The following IRGM variants were observed in gnomAD, a reference collection of about 807,000 sequenced individuals.
IRGM encodes the protein immunity related GTPase M, also known as immunity-related GTPase family M protein.
For synonymous variants in IRGM, 98 were observed against 80.6 expected, an observed-to-expected ratio of 1.22 and a Z score of -1.16; for missense variants, 288 against 219.9, an observed-to-expected ratio of 1.31 and a Z score of -1.96.
intron 3 of IRGM, among the ~76,000 whole-genome samples, chr5:150,890,924 A>T (rs1461544783): frequency 6.6e-6 from 1 of 152,016 alleles, no homozygotes; most frequent in Non-Finnish European, 1.5e-5. Context: ...TTGGGGTGGG[A>T]TGTTCTACAA....
intron 1 of IRGM, among the ~76,000 whole-genome samples, chr5:150,871,610 C>G (rs948491534): frequency 2.0e-5 from 3 of 152,144 alleles, no homozygotes; most frequent in Admixed American, 6.5e-5. Context: ...GGGGATAAAC[C>G]TGTTTTTCCT....
At position 150,890,904 on chromosome 5, in the gene IRGM, T is replaced by C. The variant is rs564031585; in HGVS notation, c.*141-9685T>C. On this transcript the variant is annotated intron_variant and NMD_transcript_variant, in intron 3 of 3. Transcript: ENST00000520549. ...CTTCACATGGACTTAAAAATGTGTATTGTACCATTTTGGGGTGGGATGTTC... is the reference window on the plus strand; with the variant it reads ...CTTCACATGGACTTAAAAATGTGTACTGTACCATTTTGGGGTGGGATGTTC... Among the ~76,000 whole-genome samples the C allele has an allele frequency of 6.1e-4, 93 of 152,208 alleles. 1 individual carries two copies. Among genetic ancestry groups the C allele is most frequent in the African/African-American group, 2.1e-3 (89 of 41,564 alleles).
chr5:150,898,088 T>A, intron 3 of IRGM: 1 of 1,613,258 alleles, frequency 6.2e-7, no homozygotes, highest in Non-Finnish European at 8.5e-7. Flanking sequence ...CTGATATTCA[T>A]CTGGATAGAT....
Position 150,848,294 on chromosome 5 carries a change from A to G in IRGM, c.171A>G (p.Gly57=), listed in dbSNP as rs192189057. Residue 57 remains glycine (G), a synonymous_variant, in exon 2 of 2, where the codon GGA becomes GGG. Coordinates refer to ENST00000522154, the MANE Select transcript of IRGM (RefSeq NM_001145805.2). ...TCATCAGTGCCCTTCGAAACACAGG[A>G]CATGAGGGTAAGGCCTCACCTCCTA... ...STFISALRNT[G]HEGKASPPTE... is the part of the protein sequence containing the mutation. 753 of 1,551,820 alleles carry G rather than the reference A, an allele frequency of 4.9e-4. 2 individuals carry two copies. The highest frequency in any genetic ancestry group is 6.3e-4 in the Non-Finnish European group (724 of 1,146,990).
chr5:150,859,861 A>G (rs1476512924), intron 1 of IRGM, among the ~76,000 whole-genome samples: 1 of 151,458 alleles, frequency 6.6e-6, no homozygotes, highest in African/African-American at 2.4e-5. Context: ...AATTTTGTTG[A>G]TCTTTTCAAA....
At chr5:150,889,956 G>A (rs1339714369) in intron 3 of IRGM, among the ~76,000 whole-genome samples, 16 of 151,962 alleles carry the variant, frequency 1.1e-4, no homozygotes. Context: ...ATAGTTATGA[G>A]GGATATTGGT....
chr5:150,901,002 G>A (rs895420982), downstream of IRGM, among the ~76,000 whole-genome samples: 4 of 152,032 alleles, frequency 2.6e-5, no homozygotes, highest in Non-Finnish European at 5.9e-5. Context: ...TACAGCTCAG[G>A]TCCCTGGGGA....
intron 3 of IRGM, among the ~76,000 whole-genome samples, chr5:150,886,226 A>C (rs1754519979): frequency 6.6e-6 from 1 of 152,088 alleles, no homozygotes; most frequent in Non-Finnish European, 1.5e-5. Flanking sequence ...CTTATGTTGA[A>C]GCAAACTCAC....
Position 150,848,290 on chromosome 5 carries a change from C to T in IRGM, c.167C>T (p.Thr56Ile), listed in dbSNP as rs1050494429. The T allele has an allele frequency of 1.3e-6, 2 of 1,551,724 alleles. No homozygotes were observed. Among genetic ancestry groups the T allele is most frequent in the Non-Finnish European group, 1.7e-6 (2 of 1,146,998 alleles). ...MSTFISALRN[T>I]GHEGKASPPT... ...ACCTTCATCAGTGCCCTTCGAAACACAGGACATGAGGGTAAGGCCTCACCT... is the reference window on the plus strand; with the variant it reads ...ACCTTCATCAGTGCCCTTCGAAACATAGGACATGAGGGTAAGGCCTCACCT... Residue 56 changes from threonine to isoleucine, a missense_variant, in exon 2 of 2, where the codon ACA becomes ATA. Thr to Ile is a moderately conservative substitution (Grantham distance 89). Coordinates refer to ENST00000522154, the MANE Select transcript of IRGM (RefSeq NM_001145805.2).
downstream of IRGM, among the ~76,000 whole-genome samples, chr5:150,848,854 G>A (rs938207046): frequency 5.9e-5 from 9 of 152,080 alleles, no homozygotes; most frequent in African/African-American, 1.2e-4. Flanking sequence ...CCCAGGCAAG[G>A]CTGCTTGCTT....
chr5:150,882,309 G>A (rs532293402), intron 3 of IRGM, among the ~76,000 whole-genome samples: 1 of 151,394 alleles, frequency 6.6e-6, no homozygotes, highest in African/African-American at 2.4e-5. Flanking sequence ...AGGAAGAAAG[G>A]AACAAAGAAT....
chr5:150,900,356 T>G (rs541135768), intron 3 of IRGM, among the ~76,000 whole-genome samples: 1 of 152,208 alleles, frequency 6.6e-6, no homozygotes, highest in East Asian at 1.9e-4. Context: ...TTTCTACTTT[T>G]ACAAATGCTG....
chr5:150,878,410 G>C (rs2113284450), intron 2 of IRGM, among the ~76,000 whole-genome samples: 1 of 152,034 alleles, frequency 6.6e-6, no homozygotes, highest in Non-Finnish European at 1.5e-5. Flanking sequence ...TTGTCTTCAG[G>C]AATAAATGAC....
chr5:150,859,496 G>A (rs539790289), intron 1 of IRGM, among the ~76,000 whole-genome samples: 140 of 152,286 alleles, frequency 9.2e-4, no homozygotes, highest in African/African-American at 3.2e-3. Flanking sequence ...AGTTTCAGAA[G>A]GAATGGTACC....
At chr5:150,848,854 G>T (rs938207046), downstream of IRGM, among the ~76,000 whole-genome samples, 2 of 151,962 alleles carry the variant, frequency 1.3e-5, no homozygotes, top group Non-Finnish European at 1.5e-5. Flanking sequence ...CCCAGGCAAG[G>T]CTGCTTGCTT....
intron 3 of IRGM, chr5:150,896,107 C>T (rs751251277): frequency 1.9e-6 from 3 of 1,613,356 alleles, no homozygotes. Context: ...TAGGGTTTTT[C>T]CCCAGTATGT....
At chr5:150,891,381 C>A (rs924086777) in intron 3 of IRGM, among the ~76,000 whole-genome samples, 1 of 152,030 alleles carries the variant, frequency 6.6e-6, no homozygotes, top group African/African-American at 2.4e-5. Flanking sequence ...TCTAATATGA[C>A]AATCTCTTCC....
chr5:150,857,200 C>A (rs908010779), intron 1 of IRGM, among the ~76,000 whole-genome samples: 4 of 151,500 alleles, frequency 2.6e-5, no homozygotes, highest in Non-Finnish European at 5.9e-5. Flanking sequence ...TTTGTCCTTG[C>A]GATAGTTTGC....
intron 3 of IRGM, among the ~76,000 whole-genome samples, chr5:150,893,130 T>C (rs1754642469): frequency 1.3e-5 from 2 of 152,128 alleles, no homozygotes; most frequent in African/African-American, 4.8e-5. Context: ...GTGAATGGTA[T>C]GCAGTAAATT....
Sources: gnomAD v4.1 joint callset for allele counts (sites outside exome capture counted in the v4.1 genomes callset) on GRCh38, gnomAD v4.1.1 for gene constraint, MANE v1.5 for transcripts, NCBI Gene and HGNC (gene_info 2026-07-23, HGNC 2026-07-21) for gene names.